The following MYH11 variants were observed in gnomAD, a reference collection of about 807,000 sequenced individuals.
MYH11 encodes the protein myosin heavy chain 11, also known as myosin-11.
A neutral mutation model predicts 246.6 loss-of-function variants in MYH11; 80 were observed. The observed-to-expected ratio is 0.32, with a 90% CI of 0.27 to 0.39. The LOEUF is 0.39. MYH11 is among the 10% of genes least tolerant of loss of function. MYH11 has a pLI of 1.00. For missense variants in MYH11, 2,158 were observed against 2,546.8 expected (o/e 0.85, Z 3.29); for synonymous variants, 1,071 against 1,015.5 (o/e 1.05, Z -1.04).
intron 40 of MYH11, among the ~76,000 whole-genome samples, chr16:15,708,540 T>C (rs775577555): frequency 1.2e-4 from 18 of 152,192 alleles, no homozygotes; most frequent in Non-Finnish European, 2.4e-4. Context: ...GATGCAGTGA[T>C]AAGGGCGCAC....
chr16:15,727,193 G>GT (rs1360178851), intron 27 of MYH11, 139 bp from the exon 28 acceptor site: 5 of 750,698 alleles, frequency 6.7e-6, no homozygotes, highest in African/African-American at 3.6e-5. Context: ...GAGATTTGGG[G>GT]TTTTTTTGTT....
In MYH11 at chr16:15,801,501, A is replaced by AT. The variant is rs34471712; in HGVS notation, c.503-2815dup. Among the ~76,000 whole-genome samples the AT allele has an allele frequency of 9.4e-3, 1,410 of 150,636 alleles. 22 individuals are homozygous for AT. Among genetic ancestry groups the AT allele is most frequent in the African/African-American group, 0.031 (1,278 of 41,000 alleles). ...CAAGACCCAGTCTCTACAAAAAAAAATTTTTTTTTAATTAGCTATGTGTGA... is the reference window on the plus strand; with the variant it reads ...CAAGACCCAGTCTCTACAAAAAAAAATTTTTTTTTTAATTAGCTATGTGTGA... On this transcript the variant is annotated intron_variant, in intron 3 of 40. Transcript: ENST00000300036.
At chr16:15,768,196 T>C (rs1402310092) in intron 9 of MYH11, among the ~76,000 whole-genome samples, 1 of 152,196 alleles carries the variant, frequency 6.6e-6, no homozygotes, top group Non-Finnish European at 1.5e-5. Context: ...CCTCTCTTCT[T>C]GCTGAGGAAT....
intron 4 of MYH11, among the ~76,000 whole-genome samples, chr16:15,790,262 G>A (rs897572719): frequency 5.3e-5 from 8 of 152,116 alleles, no homozygotes; most frequent in African/African-American, 1.9e-4. Flanking sequence ...CTGAGCTCGT[G>A]CCACTGCACT....
rs2041773509 is a variant in MYH11 at position 15,757,944 on chromosome 16, G to A, written c.1458C>T (p.Leu486=). The A allele has an allele frequency of 6.2e-7, 1 of 1,614,124 alleles. No individual in the cohort carries two copies. The highest frequency in any genetic ancestry group is 8.5e-7 in the Non-Finnish European group (1 of 1,180,048). The change falls in exon 13 of 41, where the codon CTC becomes CTT. Residue 486 remains leucine (L), a synonymous_variant. Coordinates refer to ENST00000300036, the MANE Select transcript of MYH11 (RefSeq NM_002474.3). ...CCAGGATGAACATGGTGTGGTTGAA[G>A]AGCTGCTGCAGCTTCTCGTTGGTGT... ...INYTNEKLQQ[L]FNHTMFILEQ...
Position 15,719,694 on chromosome 16 carries a change from T to C in MYH11, c.4973A>G (p.Gln1658Arg). 6.2e-7 allele frequency: 1 copy of C among 1,614,202 alleles called. No individual in the cohort carries two copies. The highest frequency in any genetic ancestry group is 8.5e-7 in the Non-Finnish European group (1 of 1,180,042). Residue 1658 changes from glutamine (Q) to arginine (R), a missense_variant, in exon 35 of 41, where the codon CAA (glutamine) becomes CGA (arginine). Transcript: ENST00000300036. The stretch of plus-strand genomic sequence containing the variant: ...GGCACGGGCATCTTCCAGCTCTCTT[T>C]GAAAGTCCTTCATCTGAGCCTGCAT... ...RKLQAQMKDF[Q>R]RELEDARASR...
chr16:15,763,103 T>G (rs1487490186), intron 10 of MYH11, among the ~76,000 whole-genome samples: 1 of 152,210 alleles, frequency 6.6e-6, no homozygotes, highest in Non-Finnish European at 1.5e-5. Context: ...TCTTTTGGTA[T>G]AATCACGGTC....
chr16:15,798,880 A>G (rs573891303), intron 3 of MYH11, among the ~76,000 whole-genome samples, 193 bp from the exon 4 acceptor site: 2 of 152,104 alleles, frequency 1.3e-5, no homozygotes, highest in South Asian at 4.1e-4. Flanking sequence ...GGCAGCCCCA[A>G]AGTCCCAGAG....
intron 31 of MYH11, among the ~76,000 whole-genome samples, chr16:15,723,583 T>G (rs1403712262): frequency 1.3e-5 from 2 of 152,046 alleles, no homozygotes; most frequent in Non-Finnish European, 2.9e-5. Context: ...GTGGTGGAGG[T>G]TGCGGGGAGC....
At position 15,750,433 on chromosome 16, in the gene MYH11, C is replaced by T; in HGVS notation, c.1865-102G>A. 8.5e-7 allele frequency: 1 copy of T among 1,179,252 alleles called. No homozygotes were observed. Among genetic ancestry groups the T allele is most frequent in the South Asian group, 1.3e-5 (1 of 76,442 alleles). The allele number at this position is 1,179,252 out of a possible 1,614,324, so 73.0% of individuals were successfully genotyped here. A position where few individuals can be genotyped will look rare whatever the true frequency, so the allele number is the denominator to read the frequency against. On this transcript the variant is annotated intron_variant, in intron 15 of 40. Transcript: ENST00000300036. The surrounding 1 kb of genome is among the most constrained non-coding windows in gnomAD (Gnocchi z 4.3). The stretch of plus-strand genomic sequence containing the variant: ...CACCCACCAACCTGCCCACTCCAAT[C>T]TTTCCTTCCATCACCAACGCCTCCT...
At position 15,851,008 on chromosome 16, in the gene MYH11, T is replaced by C. The variant is rs749154060; in HGVS notation, c.-18+5933A>G. ...ACTATGGGAGGCCAAGCCAAGAGGA[T>C]TGCTTGAATTAGGAGCTCTAGACTA... On this transcript the variant is annotated intron_variant, in intron 1 of 40. Coordinates refer to ENST00000300036, the MANE Select transcript of MYH11 (RefSeq NM_002474.3). Among the ~76,000 whole-genome samples, 77 of 152,274 alleles carry C rather than the reference T, an allele frequency of 5.1e-4. 1 individual carries two copies. The highest frequency in any genetic ancestry group is 3.4e-3 in the Middle Eastern group (1 of 294).
chr16:15,715,526 C>T lies in MYH11; in HGVS notation c.5505-254G>A, dbSNP rs756547180. On this transcript the variant is annotated intron_variant, in intron 38 of 40. Coordinates refer to ENST00000300036, the MANE Select transcript of MYH11 (RefSeq NM_002474.3). ...TAGCAGACAACATAGTGTGTGATTC[C>T]GTTGATATCAAGTGTCCAGAATAGA... Among the ~76,000 whole-genome samples, 7 of 152,174 alleles carry T rather than the reference C, an allele frequency of 4.6e-5. 1 individual carries two copies. Among genetic ancestry groups the T allele is most frequent in the East Asian group, 3.9e-4 (2 of 5,194 alleles).
intron 20 of MYH11, 155 bp from the exon 21 acceptor site, chr16:15,742,046 G>A (rs773107349): frequency 4.2e-6 from 5 of 1,203,100 alleles, no homozygotes; most frequent in Non-Finnish European, 5.9e-6. Context: ...TGTCACAGCT[G>A]GGGTGGGGGG....
At chr16:15,856,878 C>T (rs1379549714) in intron 1 of MYH11, 63 bp downstream of exon 1, 1 of 152,196 alleles carries the variant, frequency 6.6e-6, no homozygotes, top group Admixed American at 6.6e-5. Context: ...ATAGAATACC[C>T]TATAGGACTT....
intron 28 of MYH11, 196 bp from the exon 29 acceptor site, chr16:15,725,188 A>AGGGAACTCCGTCACCTATGAGTT (rs1748417714): frequency 3.2e-6 from 2 of 625,094 alleles, no homozygotes; most frequent in Admixed American, 2.8e-5. Context: ...TGTGGCTTGA[A>AGGGAACTCCGTCACCTATGAGTT]GGGAACTCCG....
chr16:15,726,761 G>A (rs1005926867), intron 28 of MYH11, 87 bp downstream of exon 28: 23 of 1,489,046 alleles, frequency 1.5e-5, no homozygotes, highest in African/African-American at 2.8e-5. Context: ...CAGCAAGAGA[G>A]ACCTCAGCGA....
intron 1 of MYH11, among the ~76,000 whole-genome samples, chr16:15,854,407 G>A (rs558190050): frequency 6.6e-6 from 1 of 152,192 alleles, no homozygotes; most frequent in Non-Finnish European, 1.5e-5. Flanking sequence ...GAGTTAGAAA[G>A]ACCTAGATTT....
chr16:15,782,760 A>G (rs910720993), intron 5 of MYH11: 30 of 440,008 alleles, frequency 6.8e-5, no homozygotes, highest in South Asian at 4.8e-4. Flanking sequence ...ACTCAAAGCC[A>G]CTGCCTTGCA....
chr16:15,788,253 T>C (rs2042524569), intron 4 of MYH11, among the ~76,000 whole-genome samples: 2 of 151,896 alleles, frequency 1.3e-5, no homozygotes. Flanking sequence ...CGTCTTCTTC[T>C]ATTTTTCAGT....
Sources: gnomAD v4.1 joint callset for allele counts (sites outside exome capture counted in the v4.1 genomes callset) on GRCh38, gnomAD v4.1.1 for gene constraint, Gnocchi (gnomAD v3.1) non-coding constraint, MANE v1.5 for transcripts, NCBI Gene and HGNC (gene_info 2026-07-23, HGNC 2026-07-21) for gene names.